Variants in MGMT observed in about 807,000 individuals in gnomAD.
MGMT encodes methylated-DNA--protein-cysteine methyltransferase.
MGMT carries 14 observed loss-of-function variants against 15.9 expected under a neutral mutation model. The ratio of observed to expected loss-of-function variants is 0.88; its 90% CI spans 0.58 to 1.37. The LOEUF (loss-of-function observed/expected upper bound fraction) is 1.37, where lower values mean the gene tolerates loss of function less well. Among genes scored for constraint, MGMT ranks in the 40% most tolerant of loss-of-function variants. MGMT has a pLI of 0.00. For missense variants in MGMT, 282 were observed against 268.1 expected, an observed-to-expected ratio of 1.05 and a Z score of -0.36; for synonymous variants, 130 against 118.2, an observed-to-expected ratio of 1.10 and a Z score of -0.65.
chr10:129,750,731 G>T (rs12267600), intron 3 of MGMT, among the ~76,000 whole-genome samples: 35,252 of 151,892 alleles, frequency 0.23, 4,907 homozygotes, highest in Admixed American at 0.36. Flanking sequence ...TTCTAGAAGG[G>T]TCCTGGAACC....
intron 1 of MGMT, among the ~76,000 whole-genome samples, chr10:129,526,375 G>C (rs1845870629): frequency 6.6e-6 from 1 of 152,100 alleles, no homozygotes; most frequent in African/African-American, 2.4e-5. Context: ...CTTTGTGGGA[G>C]GTTGTGAGGC....
At chr10:129,507,540 CAG>C (rs1396043486) in intron 1 of MGMT, among the ~76,000 whole-genome samples, 1 of 152,118 alleles carries the variant, frequency 6.6e-6, no homozygotes, top group East Asian at 1.9e-4. Flanking sequence ...GAATTGGGGA[CAG>C]GGGTGCCCCA....
chr10:129,595,704 C>G (rs1330707928), intron 2 of MGMT, among the ~76,000 whole-genome samples: 1 of 152,112 alleles, frequency 6.6e-6, no homozygotes, highest in African/African-American at 2.4e-5. Flanking sequence ...TTCAGATGCT[C>G]AGCTTTCCAG....
At position 129,647,005 on chromosome 10, in the gene MGMT, A is replaced by G. The variant is rs376212169; in HGVS notation, c.126-60890A>G. On this transcript the variant is annotated intron_variant, in intron 2 of 4. Coordinates refer to ENST00000651593, the MANE Select transcript of MGMT (RefSeq NM_002412.5). ...GACCTGAGAAGAGGAAATGAGGGGCAGTTCCCTTCCATTTTCCTCCCAGCC... is the reference window on the plus strand; with the variant it reads ...GACCTGAGAAGAGGAAATGAGGGGCGGTTCCCTTCCATTTTCCTCCCAGCC... Among the ~76,000 whole-genome samples the G allele has an allele frequency of 8.5e-3, 1,289 of 151,916 alleles. 15 individuals carry two copies. The highest frequency in any genetic ancestry group is 0.029 in the African/African-American group (1,211 of 41,412).
At chr10:129,626,483 C>T (rs1847151011) in intron 2 of MGMT, among the ~76,000 whole-genome samples, 1 of 152,220 alleles carries the variant, frequency 6.6e-6, no homozygotes, top group African/African-American at 2.4e-5. Context: ...GCCTGATGCC[C>T]TGGAGCTGGC....
chr10:129,743,706 C>A (rs1848663541), intron 3 of MGMT, among the ~76,000 whole-genome samples: 1 of 152,230 alleles, frequency 6.6e-6, no homozygotes, highest in Non-Finnish European at 1.5e-5. Context: ...TCATAGAGGT[C>A]ACAGCTGACA....
intron 2 of MGMT, among the ~76,000 whole-genome samples, chr10:129,677,798 A>G (rs1262749809): frequency 6.6e-6 from 1 of 152,138 alleles, no homozygotes; most frequent in African/African-American, 2.4e-5. Context: ...GGAACAGGTC[A>G]CCGAGGCCAC....
intron 2 of MGMT, among the ~76,000 whole-genome samples, chr10:129,637,351 C>G (rs1358126360): frequency 6.6e-6 from 1 of 152,200 alleles, no homozygotes; most frequent in Non-Finnish European, 1.5e-5. Flanking sequence ...GGCTCTTCTC[C>G]TTCTTAGAAT....
intron 1 of MGMT, among the ~76,000 whole-genome samples, chr10:129,486,659 A>G (rs1343757648): frequency 6.6e-6 from 1 of 151,068 alleles, no homozygotes; most frequent in East Asian, 1.9e-4. Flanking sequence ...TTGTATTTCT[A>G]CTCTGAAGAA....
intron 2 of MGMT, among the ~76,000 whole-genome samples, chr10:129,565,267 T>A (rs1846341224): frequency 6.6e-6 from 1 of 150,606 alleles, no homozygotes; most frequent in Non-Finnish European, 1.5e-5. Context: ...ATAGGTACCT[T>A]GAGCTACTGG....
chr10:129,671,302 G>A (rs1317760995), intron 2 of MGMT, among the ~76,000 whole-genome samples: 2 of 152,192 alleles, frequency 1.3e-5, no homozygotes, highest in Non-Finnish European at 2.9e-5. Flanking sequence ...TGTCACCTTG[G>A]TAGCTTGAAG....
At position 129,766,528 on chromosome 10, in the gene MGMT, C is replaced by T. The variant is rs189673472; in HGVS notation, c.415-260C>T. Among the ~76,000 whole-genome samples, 205 of 152,366 alleles carry T rather than the reference C, an allele frequency of 1.3e-3. 1 individual carries two copies. Among genetic ancestry groups the T allele is most frequent in the African/African-American group, 4.4e-3 (184 of 41,590 alleles). On this transcript the variant is annotated intron_variant, in intron 4 of 4. Transcript: ENST00000651593. ...CCCAAATCGTGGGCCTAAAGCAATTCTCTGAGGATGCCCCACGTCACCTCA... is the reference window on the plus strand; with the variant it reads ...CCCAAATCGTGGGCCTAAAGCAATTTTCTGAGGATGCCCCACGTCACCTCA...
At chr10:129,660,267 T>C (rs1847580948) in intron 2 of MGMT, among the ~76,000 whole-genome samples, 1 of 152,166 alleles carries the variant, frequency 6.6e-6, no homozygotes, top group Non-Finnish European at 1.5e-5. Flanking sequence ...CATTAACCTT[T>C]TTGATAGCAT....
Position 129,756,514 on chromosome 10 carries a change from G to A in MGMT, c.275-2688G>A, listed in dbSNP as rs535465872. ...AGACGGAGTCTCGCTCTGTCGCCCAGGCTGGAGCGCAGTGGCACAATCTCA... is the reference window on the plus strand; with the variant it reads ...AGACGGAGTCTCGCTCTGTCGCCCAAGCTGGAGCGCAGTGGCACAATCTCA... On this transcript the variant is annotated intron_variant, in intron 3 of 4. Transcript: ENST00000651593. Among the ~76,000 whole-genome samples, 78 of 152,332 alleles carry A rather than the reference G, an allele frequency of 5.1e-4. 1 individual carries two copies. The highest frequency in any genetic ancestry group is 1.6e-3 in the African/African-American group (66 of 41,584).
intron 3 of MGMT, among the ~76,000 whole-genome samples, chr10:129,733,827 C>A (rs1848529901): frequency 6.6e-6 from 1 of 152,270 alleles, no homozygotes; most frequent in African/African-American, 2.4e-5. Context: ...ATACTTTCCC[C>A]ATTGCTTGTT....
At chr10:129,511,375 G>C (rs1845681850) in intron 1 of MGMT, among the ~76,000 whole-genome samples, 3 of 148,682 alleles carry the variant, frequency 2.0e-5, no homozygotes, top group African/African-American at 7.5e-5. Flanking sequence ...CCTGTAATGG[G>C]AACCCGTATA....
intron 2 of MGMT, among the ~76,000 whole-genome samples, chr10:129,633,097 A>G (rs1248313566): frequency 1.3e-5 from 2 of 152,222 alleles, no homozygotes; most frequent in African/African-American, 4.8e-5. Context: ...GATAACAGTA[A>G]GTTGCTATCA....
intron 2 of MGMT, among the ~76,000 whole-genome samples, chr10:129,606,015 G>C (rs1846885434): frequency 6.6e-6 from 1 of 152,126 alleles, no homozygotes; most frequent in Non-Finnish European, 1.5e-5. Context: ...GCTGCGCAGT[G>C]CCTCTGTGCT....
At chr10:129,648,751 T>C (rs1171708790) in intron 2 of MGMT, among the ~76,000 whole-genome samples, 1 of 152,256 alleles carries the variant, frequency 6.6e-6, no homozygotes, top group Non-Finnish European at 1.5e-5. Context: ...CTTTTATCTT[T>C]GCATATTCCT....
Sources: allele counts gnomAD v4.1 joint callset (sites outside exome capture counted in the v4.1 genomes callset), GRCh38; gene constraint gnomAD v4.1.1; transcripts MANE v1.5; gene names NCBI Gene and HGNC (gene_info 2026-07-23, HGNC 2026-07-21).